Variants in DNAH12 observed in about 807,000 individuals in gnomAD.
The protein encoded by DNAH12 is dynein axonemal heavy chain 12.
In DNAH12, 285 loss-of-function variants were observed where a neutral mutation model predicts 371.5. The ratio of observed to expected loss-of-function variants is 0.77; its 90% CI spans 0.70 to 0.85. The LOEUF (loss-of-function observed/expected upper bound fraction) is 0.85, where lower values mean the gene tolerates loss of function less well. Among genes scored for constraint, DNAH12 ranks in the 40% least tolerant of loss-of-function variants. The pLI is 0.00. For missense variants in DNAH12, 3,611 were observed against 3,689.4 expected (o/e 0.98, Z 0.55); for synonymous variants, 1,200 against 1,213.0 (o/e 0.99, Z 0.22).
intron 62 of DNAH12, among the ~76,000 whole-genome samples, chr3:57,326,299 C>T (rs2061944253): frequency 1.3e-5 from 2 of 151,994 alleles, no homozygotes; most frequent in Non-Finnish European, 2.9e-5. Context: ...ATGTTAAGGG[C>T]AGCCAGAGAG....
chr3:57,445,925 T>A lies in DNAH12; in HGVS notation c.4179+106A>T, dbSNP rs2065477474. ...ATCGCTTGAACCCGGGAGGTGGAGGTTGCAGTGAGCCAAGATCGCGCCACT... is the reference window on the plus strand; with the variant it reads ...ATCGCTTGAACCCGGGAGGTGGAGGATGCAGTGAGCCAAGATCGCGCCACT... On this transcript the variant is annotated intron_variant, in intron 27 of 73. Coordinates refer to ENST00000495027, the MANE Select transcript of DNAH12 (RefSeq NM_001366028.2). 4 of 1,080,808 alleles carry A rather than the reference T, an allele frequency of 3.7e-6. 1 individual carries two copies. The highest frequency in any genetic ancestry group is 3.1e-4 in the Middle Eastern group (1 of 3,200). 67.0% of individuals were successfully genotyped at this position (1,080,808 alleles called of 1,614,324 possible). A position where few individuals can be genotyped will look rare whatever the true frequency, so the allele number is the denominator to read the frequency against.
At chr3:57,338,291 C>T (rs1436541739) in intron 60 of DNAH12, among the ~76,000 whole-genome samples, 4 of 152,240 alleles carry the variant, frequency 2.6e-5, no homozygotes, top group African/African-American at 7.2e-5. Context: ...GGATTGCAGA[C>T]GGAGTCTCGG....
chr3:57,403,519 T>G lies in DNAH12; in HGVS notation c.6756-18A>C, dbSNP rs1553679869. 3.3e-6 allele frequency: 5 copies of G among 1,530,810 alleles called. No individual in the cohort carries two copies. Among genetic ancestry groups the G allele is most frequent in the East Asian group, 2.5e-5 (1 of 40,752 alleles). 94.8% of individuals were successfully genotyped at this position (1,530,810 alleles called of 1,614,324 possible). A position where few individuals can be genotyped will look rare whatever the true frequency, so the allele number is the denominator to read the frequency against. The stretch of plus-strand genomic sequence containing the variant: ...AAACATACCTACCACAAAAGAAAAA[T>G]TTTATTAATGCATTACAATATAAAT... On this transcript the variant is annotated intron_variant, in intron 42 of 73. Coordinates refer to ENST00000495027, the MANE Select transcript of DNAH12 (RefSeq NM_001366028.2).
intron 17 of DNAH12, among the ~76,000 whole-genome samples, 184 bp from the exon 18 acceptor site, chr3:57,463,059 A>C (rs1356462200): frequency 6.6e-6 from 1 of 152,156 alleles, no homozygotes; most frequent in East Asian, 1.9e-4. Context: ...ATGAACCTAA[A>C]GTTCCCTGCA....
intron 37 of DNAH12, among the ~76,000 whole-genome samples, chr3:57,415,821 C>T (rs4321502): frequency 0.24 from 33,739 of 140,660 alleles, 4,552 homozygotes; most frequent in South Asian, 0.44. Flanking sequence ...CAGAGTCTCA[C>T]TTAGTTCCCC....
intron 58 of DNAH12, among the ~76,000 whole-genome samples, chr3:57,362,608 A>T (rs1356674568): frequency 2.8e-4 from 42 of 152,150 alleles, no homozygotes; most frequent in African/African-American, 9.9e-4. Flanking sequence ...TGCATTTCTC[A>T]GATGGCCAGT....
intron 9 of DNAH12, among the ~76,000 whole-genome samples, chr3:57,503,439 A>G (rs1416116211): frequency 2.7e-5 from 4 of 149,052 alleles, no homozygotes; most frequent in African/African-American, 1.0e-4. Flanking sequence ...ACTAGGCTGG[A>G]GTGCAGTGGG....
intron 2 of DNAH12, among the ~76,000 whole-genome samples, chr3:57,537,660 G>T (rs190952896): frequency 6.6e-6 from 1 of 151,318 alleles, no homozygotes; most frequent in African/African-American, 2.4e-5. Flanking sequence ...AATTTTATCA[G>T]GTATTTTTTA....
At chr3:57,459,570 A>T (rs1397072166) in intron 20 of DNAH12, 22 bp downstream of exon 20, 5 of 1,400,596 alleles carry the variant, frequency 3.6e-6, no homozygotes, top group Middle Eastern at 1.8e-4. Flanking sequence ...ACCTACTGTG[A>T]GAGAGAAAAC....
In DNAH12 at chr3:57,530,481, T is replaced by A. The variant is rs893036077; in HGVS notation, c.171-6597A>T. 40 of 731,082 alleles carry A rather than the reference T, an allele frequency of 5.5e-5. No homozygotes were observed. In the African/African-American group the frequency reaches 6.8e-4, roughly 12 times the overall value. 45.3% of individuals were successfully genotyped at this position (731,082 alleles called of 1,614,324 possible). A position where few individuals can be genotyped will look rare whatever the true frequency, so the allele number is the denominator to read the frequency against. ...CAGATGCTTGCCCTGCTGGAACTGC[T>A]CCTCCAGAAGACTGCTGATTTTGGC... On this transcript the variant is annotated intron_variant, in intron 2 of 73. Coordinates refer to ENST00000495027, the MANE Select transcript of DNAH12 (RefSeq NM_001366028.2).
At chr3:57,530,237 T>G in intron 2 of DNAH12, 1 of 200,120 alleles carries the variant, frequency 5.0e-6, no homozygotes, top group Non-Finnish European at 1.0e-5. Flanking sequence ...CTTTTTAACT[T>G]TTTGTTGTTT....
At chr3:57,294,074 A>G (rs1366105170) in intron 73 of DNAH12, 103 bp from the exon 74 acceptor site, 1 of 994,368 alleles carries the variant, frequency 1.0e-6, no homozygotes, top group Non-Finnish European at 1.4e-6. Flanking sequence ...AACTAAATCT[A>G]AGATCATAAT....
At chr3:57,319,577 GGTTTT>G (rs1006240209) in intron 65 of DNAH12, among the ~76,000 whole-genome samples, 1 of 151,418 alleles carries the variant, frequency 6.6e-6, no homozygotes, top group African/African-American at 2.4e-5. Context: ...GTTGTTTTTT[GGTTTT>G]GTTTTGTTTC....
In DNAH12 at chr3:57,544,238, G is replaced by A. The variant is rs1242408533; in HGVS notation, c.-75C>T. ...ACTTCCCCGCTGCGCAGACGCCAGAGAGAGAGAGAGACAGTCAGAGCCTCT... is the reference window on the plus strand; with the variant it reads ...ACTTCCCCGCTGCGCAGACGCCAGAAAGAGAGAGAGACAGTCAGAGCCTCT... On this transcript the variant is annotated 5_prime_UTR_variant, in exon 1 of 74. Coordinates refer to ENST00000495027, the MANE Select transcript of DNAH12 (RefSeq NM_001366028.2). 1 of 152,182 alleles carries A rather than the reference G, an allele frequency of 6.6e-6. No individual in the cohort carries two copies. Among genetic ancestry groups the A allele is most frequent in the South Asian group, 2.1e-4 (1 of 4,832 alleles). 9.4% of individuals were successfully genotyped at this position (152,182 alleles called of 1,614,324 possible). A position where few individuals can be genotyped will look rare whatever the true frequency, so the allele number is the denominator to read the frequency against.
In DNAH12 at chr3:57,419,425, G is replaced by A. The variant is rs143540346; in HGVS notation, c.5656C>T (p.Pro1886Ser). The change falls in exon 37 of 74, where the codon CCT (proline) becomes TCT (serine). Residue 1886 changes from proline (P) to serine (S), a missense_variant. Pro to Ser is a moderately conservative substitution (Grantham distance 74, BLOSUM62 -1). Transcript: ENST00000495027. ...GTATATCTAATTGTGTCCATCGTAG[G>A]GACTATGATATCTTGAATCTTGATT... The part of the protein sequence containing the change: ...KQIKIQDIIV[P>S]TMDTIRYTFL... 5.3e-4 allele frequency: 794 copies of A among 1,504,848 alleles called. 3 individuals carry two copies. The African/African-American group carries it at 0.01, about 20-fold the overall frequency. The allele number at this position is 1,504,848 out of a possible 1,614,324, so 93.2% of individuals were successfully genotyped here.
chr3:57,357,869 A>G (rs2062836508), intron 58 of DNAH12, among the ~76,000 whole-genome samples: 1 of 152,166 alleles, frequency 6.6e-6, no homozygotes, highest in Non-Finnish European at 1.5e-5. Flanking sequence ...CTATTTGTTG[A>G]TTGATGGTTT....
intron 44 of DNAH12, among the ~76,000 whole-genome samples, chr3:57,393,721 T>C (rs939901417): frequency 0.45 from 68,025 of 150,736 alleles, 16,331 homozygotes; most frequent in East Asian, 0.62. Flanking sequence ...CACGTCACCA[T>C]TGTATTTTTT....
intron 29 of DNAH12, among the ~76,000 whole-genome samples, chr3:57,438,591 C>CA (rs2153368041): frequency 6.6e-6 from 1 of 152,154 alleles, no homozygotes; most frequent in African/African-American, 2.4e-5. Context: ...GTTTCAGGAA[C>CA]AAAATCAATG....
intron 2 of DNAH12, among the ~76,000 whole-genome samples, chr3:57,525,886 C>T (rs1233952204): frequency 6.7e-6 from 1 of 150,016 alleles, no homozygotes; most frequent in Non-Finnish European, 1.5e-5. Flanking sequence ...CTCAGCCTCC[C>T]AAGTAGCTGG....
Sources: gnomAD v4.1 joint callset for allele counts (sites outside exome capture counted in the v4.1 genomes callset) on GRCh38, gnomAD v4.1.1 for gene constraint, MANE v1.5 for transcripts, NCBI Gene and HGNC (gene_info 2026-07-23, HGNC 2026-07-21) for gene names.